VDAC3: variants seen among roughly 807,000 people sequenced by gnomAD.
VDAC3 encodes non-selective voltage-gated ion channel VDAC3.
VDAC3 carries 7 observed loss-of-function variants against 33.9 expected under a neutral mutation model. That is an observed-to-expected ratio of 0.21 (90% CI 0.12 to 0.39). The LOEUF is 0.39. VDAC3 is among the 10% of genes least tolerant of loss of function. VDAC3 has a pLI of 1.00. For missense variants in VDAC3, 261 were observed against 334.5 expected (o/e 0.78, Z 1.71); for synonymous variants, 100 against 122.4 (o/e 0.82, Z 1.21).
In VDAC3 at chr8:42,398,731, A is replaced by G. The variant is rs1000914297; in HGVS notation, c.137A>G (p.His46Arg). The change falls in exon 5 of 10, where the codon CAT becomes CGT. Residue 46 changes from histidine to arginine, a missense_variant. Transcript: ENST00000022615. Reference protein sequence around the residue: ...CSGVEFSTSGHAYTDTGKASG... With the variant: ...CSGVEFSTSGRAYTDTGKASG... ...TACCAGGAATTTTCTACTTCTGGTC[A>G]TGCTTACACTGATACAGGGAAAGCA... 2.5e-6 allele frequency: 4 copies of G among 1,606,408 alleles called. No individual in the cohort carries two copies. Among genetic ancestry groups the G allele is most frequent in the East Asian group, 2.2e-5 (1 of 44,804 alleles).
chr8:42,398,917 AATG>A, intron 5 of VDAC3, 53 bp downstream of exon 5: 1 of 1,591,132 alleles, frequency 6.3e-7, no homozygotes. Context: ...TTGTAGATTG[AATG>A]ATGAACATAC....
intron 8 of VDAC3, 103 bp from the exon 9 acceptor site, chr8:42,404,764 T>G: frequency 1.2e-6 from 1 of 843,894 alleles, no homozygotes; most frequent in African/African-American, 1.8e-5. Flanking sequence ...AGATTGGCCC[T>G]AGGGTGCTTT....
intron 4 of VDAC3, chr8:42,396,533 T>C: frequency 1.7e-6 from 1 of 588,576 alleles, no homozygotes; most frequent in South Asian, 2.2e-5. Flanking sequence ...ATGGGCACGC[T>C]GTGTATATAG....
At chr8:42,403,877 CAA>C (rs56769990) in intron 8 of VDAC3, among the ~76,000 whole-genome samples, 50 of 88,698 alleles carry the variant, frequency 5.6e-4, no homozygotes, top group Admixed American at 7.8e-4. Flanking sequence ...GAGCCTATCT[CAA>C]AAAAAAAAAA....
rs753623686 is a variant in VDAC3 at position 42,395,092 on chromosome 8, A to G, written c.76A>G (p.Met26Val). ...TGTGTGTGTGTGTATAGGCTTTGGC[A>G]TGGTCAAGATAGACCTGAAAACCAA... is the stretch of plus-strand genomic sequence containing the variant. ...DVFNKGYGFG[M>V]VKIDLKTKSC... The change falls in exon 4 of 10, where the codon ATG (methionine) becomes GTG (valine). Residue 26 changes from methionine (M) to valine (V), a missense_variant. Transcript: ENST00000022615. 1.2e-6 allele frequency: 2 copies of G among 1,613,898 alleles called. No homozygotes were observed. The highest frequency in any genetic ancestry group is 1.1e-5 in the South Asian group (1 of 91,090).
At chr8:42,394,403 G>A in intron 3 of VDAC3, 125 bp downstream of exon 3, 5 of 833,650 alleles carry the variant, frequency 6.0e-6, no homozygotes, top group South Asian at 5.2e-5. Flanking sequence ...AGATTTAAGG[G>A]GATAACTATT....
intron 4 of VDAC3, among the ~76,000 whole-genome samples, chr8:42,398,470 C>T (rs1334604973): frequency 6.6e-6 from 1 of 152,072 alleles, no homozygotes; most frequent in Non-Finnish European, 1.5e-5. Flanking sequence ...TCAAGGGATC[C>T]ACCCGCCTTG....
chr8:42,392,418 C>T (rs1020513789), intron 1 of VDAC3, among the ~76,000 whole-genome samples: 1 of 152,268 alleles, frequency 6.6e-6, no homozygotes, highest in Non-Finnish European at 1.5e-5. Flanking sequence ...GCGTCTCCTG[C>T]AGCCTCTGTG....
intron 6 of VDAC3, among the ~76,000 whole-genome samples, chr8:42,401,139 C>T (rs1802408657): frequency 1.3e-5 from 2 of 152,166 alleles, no homozygotes; most frequent in South Asian, 4.1e-4. Flanking sequence ...GATTTGGCTT[C>T]TTGTACGTCT....
intron 3 of VDAC3, 80 bp from the exon 4 acceptor site, chr8:42,395,004 T>G: frequency 6.4e-7 from 1 of 1,552,494 alleles, no homozygotes; most frequent in Non-Finnish European, 8.9e-7. Context: ...CTATAGGCTA[T>G]TTCATAATTT....
In VDAC3 at chr8:42,395,150, T is replaced by A; in HGVS notation, c.117+17T>A. ...AGTGGAGTGGTGAGTATCTAATATA[T>A]TTTTAATGAATGTAACATAATTAAC... On this transcript the variant is annotated intron_variant, in intron 4 of 9. Transcript: ENST00000022615. The A allele has an allele frequency of 6.2e-7, 1 of 1,613,620 alleles. No individual in the cohort carries two copies. Among genetic ancestry groups the A allele is most frequent in the Admixed American group, 1.7e-5 (1 of 60,018 alleles).
chr8:42,397,960 AAC>A (rs1491307374), intron 4 of VDAC3, among the ~76,000 whole-genome samples: 34 of 139,752 alleles, frequency 2.4e-4, no homozygotes, highest in African/African-American at 1.1e-3. Context: ...AATAAAAAAA[AAC>A]ATTTTTAAAA....
chr8:42,401,697 G>C (rs1563422876), intron 6 of VDAC3, 91 bp from the exon 7 acceptor site: 4 of 1,120,612 alleles, frequency 3.6e-6, no homozygotes, highest in Admixed American at 3.9e-5. Flanking sequence ...ATTGGGAGAT[G>C]AGAGAGAGGA....
chr8:42,399,844 A>G, intron 6 of VDAC3, 141 bp downstream of exon 6: 1 of 652,808 alleles, frequency 1.5e-6, no homozygotes. Flanking sequence ...GACCTTGTAT[A>G]GGTAATACAG....
chr8:42,398,548 G>A (rs933731358), intron 4 of VDAC3, among the ~76,000 whole-genome samples, 164 bp from the exon 5 acceptor site: 1 of 152,056 alleles, frequency 6.6e-6, no homozygotes, highest in African/African-American at 2.4e-5. Context: ...AAATATTTAG[G>A]GACTGGAAAA....
intron 6 of VDAC3, 26 bp downstream of exon 6, chr8:42,399,729 A>C (rs1802383254): frequency 6.2e-7 from 1 of 1,609,002 alleles, no homozygotes; most frequent in Admixed American, 1.7e-5. Context: ...CCATTTCCTG[A>C]AACGTTTTTG....
intron 4 of VDAC3, chr8:42,397,574 T>C (rs2130887447): frequency 6.6e-6 from 1 of 152,370 alleles, no homozygotes; most frequent in Non-Finnish European, 1.5e-5. Context: ...TGCTGTCTGC[T>C]TTCCCCAGAA....
At position 42,403,441 on chromosome 8, in the gene VDAC3, G is replaced by T; in HGVS notation, c.682G>T (p.Asp228Tyr). ...RFGIAAKYMLDCRTSLSAKVN... is the reference protein window; with the variant it reads ...RFGIAAKYMLYCRTSLSAKVN... Reference sequence around the variant, plus strand: ...TGGCATTGCTGCTAAGTACATGCTGGATTGTAGAACTTCTCTCTCTGTAAG... The same window carrying T: ...TGGCATTGCTGCTAAGTACATGCTGTATTGTAGAACTTCTCTCTCTGTAAG... The change falls in exon 8 of 10, where the codon GAT (aspartate) becomes TAT (tyrosine). Residue 228 changes from aspartate (D) to tyrosine (Y), a missense_variant. Asp to Tyr is a radical substitution (Grantham distance 160). Coordinates refer to ENST00000022615, the MANE Select transcript of VDAC3 (RefSeq NM_005662.7). 1 of 1,590,990 alleles carries T rather than the reference G, an allele frequency of 6.3e-7. No individual in the cohort carries two copies. Among genetic ancestry groups the T allele is most frequent in the Non-Finnish European group, 8.5e-7 (1 of 1,171,466 alleles).
rs1307210119 is a variant in VDAC3 at position 42,396,531 on chromosome 8, G to A, written c.117+1398G>A. On this transcript the variant is annotated intron_variant, in intron 4 of 9. Coordinates refer to ENST00000022615, the MANE Select transcript of VDAC3 (RefSeq NM_005662.7). ...GCACCTCCCTTACTAAGATGGGCAC[G>A]CTGTGTATATAGTTCTGTTAAAATA... is the stretch of plus-strand genomic sequence containing the variant. 4 of 578,024 alleles carry A rather than the reference G, an allele frequency of 6.9e-6. No individual in the cohort carries two copies. In the East Asian group the frequency reaches 1.2e-4, roughly 17 times the overall value. The allele number at this position is 578,024 out of a possible 1,614,324, so 35.8% of individuals were successfully genotyped here.
Sources: allele counts gnomAD v4.1 joint callset (sites outside exome capture counted in the v4.1 genomes callset), GRCh38; gene constraint gnomAD v4.1.1; transcripts MANE v1.5; gene names NCBI Gene and HGNC (gene_info 2026-07-23, HGNC 2026-07-21).